Variants in KLF12 observed in about 807,000 individuals in gnomAD.
KLF12 encodes the protein KLF transcription factor 12, also known as Krueppel-like factor 12.
Under a neutral mutation model 37.8 loss-of-function variants are expected in KLF12, and 9 were observed. The observed-to-expected ratio is 0.24, with a 90% CI of 0.14 to 0.42. KLF12 has a LOEUF of 0.42. KLF12 is among the 10% of genes least tolerant of loss of function. The pLI, the probability that KLF12 is intolerant of heterozygous loss-of-function variation, is 1.00. For synonymous variants in KLF12, 208 were observed against 202.1 expected (o/e 1.03, Z -0.25); for missense variants, 411 against 516.0 (o/e 0.80, Z 1.97).
chr13:73,909,157 T>C (rs1888454944), intron 3 of KLF12, among the ~76,000 whole-genome samples: 2 of 152,166 alleles, frequency 1.3e-5, no homozygotes, highest in South Asian at 4.1e-4. Flanking sequence ...CTTTTGAAGG[T>C]GCACCTAAAA....
intron 1 of KLF12, among the ~76,000 whole-genome samples, chr13:74,122,380 C>A (rs1428709946): frequency 6.6e-6 from 1 of 151,948 alleles, no homozygotes; most frequent in Non-Finnish European, 1.5e-5. Context: ...AAGATATTAC[C>A]ACACAATTAT....
the KLF12 span, among the ~76,000 whole-genome samples, chr13:74,218,784 T>C: frequency 1.4e-4 from 22 of 152,230 alleles, no homozygotes; most frequent in Non-Finnish European, 3.1e-4. Flanking sequence ...TATGGTAAAG[T>C]CTCAATAAAT....
intron 1 of KLF12, among the ~76,000 whole-genome samples, chr13:74,112,270 A>C (rs147652989): frequency 7.4e-4 from 112 of 150,632 alleles, no homozygotes; most frequent in Middle Eastern, 3.5e-3. Context: ...GAAAAGCCTA[A>C]AATATTACTG....
At chr13:73,939,992 G>C (rs1242346524) in intron 3 of KLF12, among the ~76,000 whole-genome samples, 1 of 152,142 alleles carries the variant, frequency 6.6e-6, no homozygotes, top group African/African-American at 2.4e-5. Context: ...GTATGGATGA[G>C]GGCATAGAGG....
intron 6 of KLF12, among the ~76,000 whole-genome samples, chr13:73,719,654 C>T (rs1176913676): frequency 6.6e-6 from 1 of 150,688 alleles, no homozygotes; most frequent in Non-Finnish European, 1.5e-5. Context: ...AGACTGGTGG[C>T]CTAGGTGGCA....
At chr13:73,728,234 GT>G (rs1289944613) in intron 6 of KLF12, among the ~76,000 whole-genome samples, 1 of 151,934 alleles carries the variant, frequency 6.6e-6, no homozygotes, top group African/African-American at 2.4e-5. Flanking sequence ...AAATGAAATC[GT>G]TTTCTTAAAT....
chr13:74,241,288 G>A, the KLF12 span, among the ~76,000 whole-genome samples: 2 of 152,192 alleles, frequency 1.3e-5, no homozygotes, highest in Non-Finnish European at 2.9e-5. Flanking sequence ...ACTTGAGGAG[G>A]CAGTCTGCCC....
the KLF12 span, among the ~76,000 whole-genome samples, chr13:74,264,221 G>A: frequency 6.6e-6 from 1 of 152,176 alleles, no homozygotes; most frequent in Non-Finnish European, 1.5e-5. Context: ...CTGGGTGTGT[G>A]AGGGGCTGCT....
At chr13:74,285,657 G>A in the KLF12 span, among the ~76,000 whole-genome samples, 1 of 152,146 alleles carries the variant, frequency 6.6e-6, no homozygotes, top group African/African-American at 2.4e-5. Flanking sequence ...TAGCAGAAAT[G>A]CAAGCAGAGT....
intron 1 of KLF12, among the ~76,000 whole-genome samples, chr13:74,047,242 T>C (rs759517990): frequency 6.6e-6 from 1 of 152,046 alleles, no homozygotes; most frequent in African/African-American, 2.4e-5. Context: ...GTCACCTTGA[T>C]TGATTTAGGA....
intron 2 of KLF12, among the ~76,000 whole-genome samples, chr13:73,963,312 CACACACA>C (rs2139473678): frequency 6.8e-6 from 1 of 147,254 alleles, no homozygotes; most frequent in African/African-American, 2.6e-5. Context: ...CACACACACA[CACACACA>C]CGTATATATG....
intron 2 of KLF12, among the ~76,000 whole-genome samples, chr13:73,984,335 T>C (rs1891767422): frequency 6.6e-6 from 1 of 152,228 alleles, no homozygotes; most frequent in Non-Finnish European, 1.5e-5. Flanking sequence ...CACTGTCGCC[T>C]ATGTGCCTGC....
intron 1 of KLF12, among the ~76,000 whole-genome samples, chr13:74,119,731 G>A (rs79338677): frequency 2.4e-3 from 361 of 152,170 alleles, no homozygotes; most frequent in African/African-American, 8.4e-3. Context: ...AGTCTAATGC[G>A]CTTGTCAACA....
the KLF12 span, among the ~76,000 whole-genome samples, chr13:74,181,306 C>A: frequency 1.4e-3 from 210 of 145,744 alleles, no homozygotes; most frequent in African/African-American, 5.2e-3. Context: ...CTGAAAAATA[C>A]CTTAAAAATA....
chr13:74,278,547 C>T, the KLF12 span, among the ~76,000 whole-genome samples: 1 of 152,174 alleles, frequency 6.6e-6, no homozygotes, highest in African/African-American at 2.4e-5. Context: ...CCACAGTGTC[C>T]TCCAAACAGC....
intron 1 of KLF12, among the ~76,000 whole-genome samples, chr13:74,025,379 C>T (rs932269774): frequency 6.6e-6 from 1 of 151,886 alleles, no homozygotes; most frequent in African/African-American, 2.4e-5. Flanking sequence ...TCATTGCTTC[C>T]CAACTACTTC....
At chr13:73,719,626 G>A (rs1441748654) in intron 6 of KLF12, among the ~76,000 whole-genome samples, 1 of 151,200 alleles carries the variant, frequency 6.6e-6, no homozygotes, top group Non-Finnish European at 1.5e-5. Flanking sequence ...TTTGAGATAG[G>A]GTCTTGCTCT....
chr13:74,024,854 C>G (rs1207838562), intron 1 of KLF12, among the ~76,000 whole-genome samples: 1 of 152,178 alleles, frequency 6.6e-6, no homozygotes, highest in African/African-American at 2.4e-5. Context: ...CTTTAATATA[C>G]TTCAAATATT....
intron 5 of KLF12, among the ~76,000 whole-genome samples, chr13:73,780,673 G>T (rs1054451677): frequency 6.6e-6 from 1 of 152,130 alleles, no homozygotes; most frequent in African/African-American, 2.4e-5. Flanking sequence ...TGTTGGTCAG[G>T]CTGGTCTCAA....
Sources: gnomAD v4.1 joint callset for allele counts (sites outside exome capture counted in the v4.1 genomes callset) on GRCh38, gnomAD v4.1.1 for gene constraint, MANE v1.5 for transcripts, NCBI Gene and HGNC (gene_info 2026-07-23, HGNC 2026-07-21) for gene names.